The following WFS1 variants were observed in gnomAD, a reference collection of about 807,000 sequenced individuals.
The protein encoded by WFS1 is wolframin.
WFS1 carries 90 observed loss-of-function variants against 68.5 expected under a neutral mutation model. The ratio of observed to expected loss-of-function variants is 1.31; its 90% CI spans 1.11 to 1.56. The LOEUF (loss-of-function observed/expected upper bound fraction) is 1.56, where lower values mean the gene tolerates loss of function less well. Ranked by LOEUF, WFS1 falls within the 40% of genes most tolerant of loss-of-function variation. The probability of loss-of-function intolerance (pLI) is 0.00; values close to 1 mark genes in which losing one functional copy is unlikely to be tolerated. For missense variants in WFS1, 1,767 were observed against 1,232.6 expected (o/e 1.43, Z -6.49); for synonymous variants, 860 against 540.7 (o/e 1.59, Z -8.19).
intron 7 of WFS1, 29 bp from the exon 8 acceptor site, chr4:6,300,628 C>T: frequency 2.5e-6 from 4 of 1,613,722 alleles, no homozygotes; most frequent in Non-Finnish European, 3.4e-6. Context: ...CTGTCCCAGC[C>T]TCGTTCCCAC....
In WFS1 at chr4:6,269,916, C is replaced by T. The variant is rs1369380193; in HGVS notation, c.-104C>T. 1 of 152,242 alleles carries T rather than the reference C, an allele frequency of 6.6e-6. No homozygotes were observed. Among genetic ancestry groups the T allele is most frequent in the Non-Finnish European group, 1.5e-5 (1 of 68,036 alleles). The allele number at this position is 152,242 out of a possible 1,614,324, so 9.4% of individuals were successfully genotyped here. The stretch of plus-strand genomic sequence containing the variant: ...AGATTGCTCCCCCGCGGCCGCAGAT[C>T]TCCCGTTTGCGCCGCGTTCAGCTGC... On this transcript the variant is annotated 5_prime_UTR_variant, in exon 1 of 8. Transcript: ENST00000226760.
At chr4:6,274,616 G>C (rs1729938290) in intron 1 of WFS1, among the ~76,000 whole-genome samples, 1 of 152,132 alleles carries the variant, frequency 6.6e-6, no homozygotes, top group Non-Finnish European at 1.5e-5. Context: ...AGGGACTCGG[G>C]ACAGACATAG....
At position 6,302,123 on chromosome 4, in the gene WFS1, G is replaced by T; in HGVS notation, c.2328G>T (p.Glu776Asp). The stretch of plus-strand genomic sequence containing the variant: ...AGAAGTTCGACCGCTACAAGTTTGA[G>T]ATTACCGTGGGCATGCCATTCAGCA... The part of the protein sequence containing the change: ...HIKKFDRYKF[E>D]ITVGMPFSSG... Residue 776 changes from glutamate (E) to aspartate (D), a missense_variant, in exon 8 of 8, where the codon GAG (glutamate) becomes GAT (aspartate). Coordinates refer to ENST00000226760, the MANE Select transcript of WFS1 (RefSeq NM_006005.3). 1 of 1,612,966 alleles carries T rather than the reference G, an allele frequency of 6.2e-7. No homozygotes were observed. Among genetic ancestry groups the T allele is most frequent in the Non-Finnish European group, 8.5e-7 (1 of 1,180,020 alleles).
chr4:6,300,812 C>G lies in WFS1; in HGVS notation c.1017C>G (p.Asp339Glu), dbSNP rs1234696330. The part of the protein sequence containing the change: ...FFFIVSNLTI[D>E]FFAFFIPLVI... ...TCATCGTCAGCAACCTCACCATCGACTTCTTCGCCTTCTTCATCCCGCTGG... is the reference window on the plus strand; with the variant it reads ...TCATCGTCAGCAACCTCACCATCGAGTTCTTCGCCTTCTTCATCCCGCTGG... The change falls in exon 8 of 8, where the codon GAC (aspartate) becomes GAG (glutamate). Residue 339 changes from aspartate to glutamate, a missense_variant. Coordinates refer to ENST00000226760, the MANE Select transcript of WFS1 (RefSeq NM_006005.3). 5 of 1,614,024 alleles carry G rather than the reference C, an allele frequency of 3.1e-6. No individual in the cohort carries two copies. The highest frequency in any genetic ancestry group is 2.2e-5 in the East Asian group (1 of 44,858).
chr4:6,301,835 G>A lies in WFS1; in HGVS notation c.2040G>A (p.Glu680=), dbSNP rs375263408. 1.2e-4 allele frequency: 199 copies of A among 1,613,076 alleles called. 1 individual carries two copies. In the Admixed American group the frequency reaches 3.1e-3, roughly 25 times the overall value. ...GALCGPRAWK[E]TNMARTQILC... is the part of the protein sequence containing the mutation. ...TGTGCGGGCCACGCGCCTGGAAGGA[G>A]ACCAACATGGCGCGCACCCAGATCC... is the stretch of plus-strand genomic sequence containing the variant. The change falls in exon 8 of 8, where the codon GAG becomes GAA. Residue 680 remains glutamate, a synonymous_variant. Coordinates refer to ENST00000226760, the MANE Select transcript of WFS1 (RefSeq NM_006005.3).
intron 5 of WFS1, 131 bp downstream of exon 5, chr4:6,291,498 G>T (rs1246926670): frequency 5.6e-6 from 7 of 1,259,320 alleles, no homozygotes; most frequent in Non-Finnish European, 7.8e-6. Context: ...GACCTTCCCT[G>T]TGAGGACAGG....
chr4:6,272,470 G>A (rs905457258), intron 1 of WFS1, among the ~76,000 whole-genome samples: 2 of 152,204 alleles, frequency 1.3e-5, no homozygotes, highest in African/African-American at 2.4e-5. Flanking sequence ...ATAGGTACCT[G>A]GGATCCATCA....
Position 6,301,241 on chromosome 4 carries a change from G to A in WFS1, c.1446G>A (p.Lys482=), listed in dbSNP as rs373656898. 2 of 1,611,478 alleles carry A rather than the reference G, an allele frequency of 1.2e-6. No homozygotes were observed. Among genetic ancestry groups the A allele is most frequent in the African/African-American group, 2.7e-5 (2 of 74,920 alleles). The change falls in exon 8 of 8, where the codon AAG becomes AAA. Residue 482 remains lysine, a synonymous_variant. Transcript: ENST00000226760. ...TGCCCTTGAATTGGCCCTACCTGAAGGTCCTTGGCCAGACCTTCATCACCG... is the reference window on the plus strand; with the variant it reads ...TGCCCTTGAATTGGCCCTACCTGAAAGTCCTTGGCCAGACCTTCATCACCG... ...PSMPLNWPYL[K]VLGQTFITVP...
chr4:6,303,074 C>T lies in WFS1; in HGVS notation c.*606C>T. ...ACAGGCTGCCTCATGACCCTCCTGTCCAGCAGGTAGTGGGTGAATGTGTGA... is the reference window on the plus strand; with the variant it reads ...ACAGGCTGCCTCATGACCCTCCTGTTCAGCAGGTAGTGGGTGAATGTGTGA... On this transcript the variant is annotated 3_prime_UTR_variant, in exon 8 of 8. Transcript: ENST00000226760. 1 of 157,862 alleles carries T rather than the reference C, an allele frequency of 6.3e-6. No individual in the cohort carries two copies. Among genetic ancestry groups the T allele is most frequent in the Non-Finnish European group, 1.4e-5 (1 of 70,984 alleles). 9.8% of individuals were successfully genotyped at this position (157,862 alleles called of 1,614,324 possible). A position where few individuals can be genotyped will look rare whatever the true frequency, so the allele number is the denominator to read the frequency against.
intron 7 of WFS1, among the ~76,000 whole-genome samples, chr4:6,295,908 C>G (rs1167252909): frequency 6.6e-6 from 1 of 152,242 alleles, no homozygotes; most frequent in Non-Finnish European, 1.5e-5. Flanking sequence ...GCCTGTCTCA[C>G]TCTGCAGAGA....
chr4:6,295,224 G>C, intron 7 of WFS1, 35 bp downstream of exon 7: 1 of 1,609,226 alleles, frequency 6.2e-7, no homozygotes, highest in East Asian at 2.2e-5. Flanking sequence ...GCCGGAGCCT[G>C]CCTCCCAAGG....
At chr4:6,291,459 C>T in intron 5 of WFS1, 92 bp downstream of exon 5, 9 of 1,517,386 alleles carry the variant, frequency 5.9e-6, no homozygotes, top group Non-Finnish European at 8.0e-6. Context: ...GACCTTCCCT[C>T]AGGGGCTGGG....
At chr4:6,281,991 C>A (rs1396005938) in intron 2 of WFS1, among the ~76,000 whole-genome samples, 2 of 152,220 alleles carry the variant, frequency 1.3e-5, no homozygotes, top group East Asian at 3.9e-4. Flanking sequence ...CTACAGTCAC[C>A]TACACAGCCC....
In WFS1 at chr4:6,287,001, G is replaced by A; in HGVS notation, c.233-92G>A. 8.8e-7 allele frequency: 1 copy of A among 1,133,732 alleles called. No individual in the cohort carries two copies. The highest frequency in any genetic ancestry group is 1.3e-6 in the Non-Finnish European group (1 of 766,766). The allele number at this position is 1,133,732 out of a possible 1,614,324, so 70.2% of individuals were successfully genotyped here. A position where few individuals can be genotyped will look rare whatever the true frequency, so the allele number is the denominator to read the frequency against. On this transcript the variant is annotated intron_variant, in intron 2 of 7. Coordinates refer to ENST00000226760, the MANE Select transcript of WFS1 (RefSeq NM_006005.3). The surrounding 1 kb of genome is among the most constrained non-coding windows in gnomAD (Gnocchi z 6.4). ...GATTTGAAAGTGACAAGCAGCAGCA[G>A]ATCTGAAGACCCTCATGCCTTGTCC...
At chr4:6,270,795 A>AC (rs1729816290) in intron 1 of WFS1, among the ~76,000 whole-genome samples, 1 of 151,958 alleles carries the variant, frequency 6.6e-6, no homozygotes, top group Non-Finnish European at 1.5e-5. Flanking sequence ...CATTTGTGCA[A>AC]CCCCCCACCA....
At position 6,300,978 on chromosome 4, in the gene WFS1, G is replaced by C; in HGVS notation, c.1183G>C (p.Val395Leu). 2 of 1,613,940 alleles carry C rather than the reference G, an allele frequency of 1.2e-6. No homozygotes were observed. Among genetic ancestry groups the C allele is most frequent in the Non-Finnish European group, 1.7e-6 (2 of 1,180,000 alleles). Residue 395 changes from valine to leucine, a missense_variant, in exon 8 of 8, where the codon GTC becomes CTC. Physicochemically the swap from Val to Leu is conservative, Grantham distance 32. Transcript: ENST00000226760. ...EPNLDVEQAE[V>L]NFGWNHLEPY... ...CAACCTGGATGTGGAGCAGGCCGAG[G>C]TCAACTTCGGCTGGAACCACCTGGA...
At position 6,303,084 on chromosome 4, in the gene WFS1, G is replaced by C. The variant is rs1320711902; in HGVS notation, c.*616G>C. 6.4e-6 allele frequency: 1 copy of C among 157,480 alleles called. No individual in the cohort carries two copies. The highest frequency in any genetic ancestry group is 5.9e-5 in the Admixed American group (1 of 16,824). The allele number at this position is 157,480 out of a possible 1,614,324, so 9.8% of individuals were successfully genotyped here. A position where few individuals can be genotyped will look rare whatever the true frequency, so the allele number is the denominator to read the frequency against. On this transcript the variant is annotated 3_prime_UTR_variant, in exon 8 of 8. Coordinates refer to ENST00000226760, the MANE Select transcript of WFS1 (RefSeq NM_006005.3). Reference sequence around the variant, plus strand: ...TCATGACCCTCCTGTCCAGCAGGTAGTGGGTGAATGTGTGAAGGTCTTGCC... The same window carrying C: ...TCATGACCCTCCTGTCCAGCAGGTACTGGGTGAATGTGTGAAGGTCTTGCC...
In WFS1 at chr4:6,283,734, G is replaced by A. The variant is rs373743253; in HGVS notation, c.233-3359G>A. On this transcript the variant is annotated intron_variant, in intron 2 of 7. Coordinates refer to ENST00000226760, the MANE Select transcript of WFS1 (RefSeq NM_006005.3). This position sits in a 1 kb window ranked among gnomAD's most constrained non-coding sequence, Gnocchi z 5.0. ...ACTCTGATTGGCCAGGTGGGGGTGC[G>A]GGCCTTCTGTGCAGCGCAGGGGAGG... Among the ~76,000 whole-genome samples, 209 of 152,346 alleles carry A rather than the reference G, an allele frequency of 1.4e-3. No homozygotes were observed. The highest frequency in any genetic ancestry group is 4.9e-3 in the African/African-American group (204 of 41,576).
chr4:6,301,761 G>T lies in WFS1; in HGVS notation c.1966G>T (p.Gly656Cys), dbSNP rs751991354. 2 of 1,613,674 alleles carry T rather than the reference G, an allele frequency of 1.2e-6. No homozygotes were observed. Among genetic ancestry groups the T allele is most frequent in the Non-Finnish European group, 1.7e-6 (2 of 1,180,032 alleles). Residue 656 changes from glycine to cysteine, a missense_variant, in exon 8 of 8, where the codon GGC (glycine) becomes TGC (cysteine). Coordinates refer to ENST00000226760, the MANE Select transcript of WFS1 (RefSeq NM_006005.3). ...FCWFYVYRSE[G>C]MKVYNSTLTW... is the part of the protein sequence containing the mutation. ...CTGGTTCTATGTGTACCGCTCAGAG[G>T]GCATGAAGGTCTACAACTCCACACT...
Sources: allele counts gnomAD v4.1 joint callset (sites outside exome capture counted in the v4.1 genomes callset), GRCh38; gene constraint gnomAD v4.1.1; non-coding constraint Gnocchi (gnomAD v3.1); transcripts MANE v1.5; gene names NCBI Gene and HGNC (gene_info 2026-07-23, HGNC 2026-07-21).